Variants in NETO1 observed in about 807,000 individuals in gnomAD.
NETO1 encodes neuropilin and tolloid-like protein 1.
Under a neutral mutation model 61.3 loss-of-function variants are expected in NETO1, and 26 were observed. The observed-to-expected ratio is 0.42, with a 90% CI of 0.31 to 0.59. The LOEUF (loss-of-function observed/expected upper bound fraction) is 0.59. Ranked by LOEUF, NETO1 falls within the 20% of genes least tolerant of loss-of-function variation. NETO1 has a pLI of 0.12. For synonymous variants in NETO1, 225 were observed against 225.8 expected, an observed-to-expected ratio of 1.00 and a Z score of 0.03; for missense variants, 531 against 662.8, an observed-to-expected ratio of 0.80 and a Z score of 2.18.
At chr18:72,772,476 G>A (rs1321419460) in intron 7 of NETO1, among the ~76,000 whole-genome samples, 1 of 151,906 alleles carries the variant, frequency 6.6e-6, no homozygotes, top group Admixed American at 6.6e-5. Flanking sequence ...TCCGTGTATG[G>A]GTTCATGAAA....
At chr18:72,754,176 G>A (rs948501154) in intron 8 of NETO1, among the ~76,000 whole-genome samples, 1 of 151,920 alleles carries the variant, frequency 6.6e-6, no homozygotes, top group Non-Finnish European at 1.5e-5. Flanking sequence ...AAGCAACTAA[G>A]AAAGTAAAAC....
chr18:72,819,943 C>T (rs1372152378), intron 4 of NETO1, among the ~76,000 whole-genome samples: 1 of 152,034 alleles, frequency 6.6e-6, no homozygotes, highest in Non-Finnish European at 1.5e-5. Flanking sequence ...AAATAATTTG[C>T]AATTTGTTGC....
At chr18:72,839,257 T>C (rs1377486920) in intron 4 of NETO1, among the ~76,000 whole-genome samples, 1 of 151,902 alleles carries the variant, frequency 6.6e-6, no homozygotes, top group Non-Finnish European at 1.5e-5. Flanking sequence ...TTATAAAGAG[T>C]GGGTTTGGAT....
At chr18:72,768,686 C>T (rs12968355) in intron 7 of NETO1, among the ~76,000 whole-genome samples, 45,624 of 152,038 alleles carry the variant, frequency 0.3, 8,022 homozygotes, top group South Asian at 0.48. Context: ...CAGCAAATCA[C>T]AAAGGCACAC....
chr18:72,850,394 T>C (rs74335268), intron 4 of NETO1, among the ~76,000 whole-genome samples: 7,134 of 152,248 alleles, frequency 0.047, 563 homozygotes, highest in African/African-American at 0.16. Context: ...AATTATAAAA[T>C]ATAATAGGAA....
chr18:72,830,606 A>G lies in NETO1; in HGVS notation c.469+28220T>C, dbSNP rs2073544620. Among the ~76,000 whole-genome samples the G allele has an allele frequency of 6.6e-6, 1 of 152,174 alleles. No homozygotes were observed. The highest frequency in any genetic ancestry group is 2.4e-5 in the African/African-American group (1 of 41,448). On this transcript the variant is annotated intron_variant, in intron 4 of 10. Coordinates refer to ENST00000327305, the MANE Select transcript of NETO1 (RefSeq NM_138966.5). The surrounding 1 kb of genome is among the most constrained non-coding windows in gnomAD (Gnocchi z 4.9). ...TAGGAGCAGCTTTTGGTGTGGAGGT[A>G]GGATGTGGTGGGGAGGGGATGGATT... is the stretch of plus-strand genomic sequence containing the variant.
At chr18:72,769,966 T>C (rs1278386329) in intron 7 of NETO1, among the ~76,000 whole-genome samples, 1 of 152,126 alleles carries the variant, frequency 6.6e-6, no homozygotes, top group East Asian at 1.9e-4. Flanking sequence ...TTGTTCCCTA[T>C]TTTGGAATTT....
chr18:72,832,907 TC>T (rs1256089502), intron 4 of NETO1, among the ~76,000 whole-genome samples: 7 of 152,208 alleles, frequency 4.6e-5, no homozygotes, highest in Non-Finnish European at 7.3e-5. Flanking sequence ...AAAAATTGTC[TC>T]ATAATTTATA....
chr18:72,856,813 C>A (rs1009453778), intron 4 of NETO1, among the ~76,000 whole-genome samples: 2 of 152,192 alleles, frequency 1.3e-5, no homozygotes, highest in African/African-American at 4.8e-5. Flanking sequence ...TAACATAAAT[C>A]ATTAAGCTGA....
rs945248824 is a variant in NETO1 at position 72,744,004 on chromosome 18, G to A, written c.*4175C>T. 4 of 152,250 alleles carry A rather than the reference G, an allele frequency of 2.6e-5. No individual in the cohort carries two copies. The highest frequency in any genetic ancestry group is 9.6e-5 in the African/African-American group (4 of 41,558). The allele number at this position is 152,250 out of a possible 1,614,324, so 9.4% of individuals were successfully genotyped here. On this transcript the variant is annotated 3_prime_UTR_variant, in exon 11 of 11. Coordinates refer to ENST00000327305, the MANE Select transcript of NETO1 (RefSeq NM_138966.5). ...AGTAGTTTAACTACATGATCATACT[G>A]TTTCAGGAATAAGGAGATTCTGGAA... is the stretch of plus-strand genomic sequence containing the variant.
Position 72,830,230 on chromosome 18 carries a change from G to A in NETO1, c.469+28596C>T, listed in dbSNP as rs1281789863. Among the ~76,000 whole-genome samples the A allele has an allele frequency of 6.6e-6, 1 of 152,126 alleles. No homozygotes were observed. Among genetic ancestry groups the A allele is most frequent in the African/African-American group, 2.4e-5 (1 of 41,424 alleles). ...AAGGAAGCAGCCCTCCCAAGAGACG[G>A]GAACAGCAGTGCTATCTTGGTGCCG... On this transcript the variant is annotated intron_variant, in intron 4 of 10. Transcript: ENST00000327305. This position sits in a 1 kb window ranked among gnomAD's most constrained non-coding sequence, Gnocchi z 4.9.
At chr18:72,845,857 C>T (rs753467651) in intron 4 of NETO1, among the ~76,000 whole-genome samples, 15 of 152,062 alleles carry the variant, frequency 9.9e-5, no homozygotes, top group South Asian at 2.1e-4. Context: ...GCCCTTATGG[C>T]GTATTACTTT....
chr18:72,781,970 C>T (rs8095360), intron 7 of NETO1, among the ~76,000 whole-genome samples: 50,742 of 151,898 alleles, frequency 0.33, 8,740 homozygotes, highest in Admixed American at 0.46. Flanking sequence ...TAGTACCCAA[C>T]AGGGGTACTA....
intron 4 of NETO1, 97 bp from the exon 5 acceptor site, chr18:72,794,501 T>TA (rs1198766170): frequency 1.4e-5 from 16 of 1,171,126 alleles, no homozygotes; most frequent in Non-Finnish European, 1.8e-5. Context: ...AAATCTACCT[T>TA]AAAAAACACA....
chr18:72,787,336 G>A (rs2071955996), intron 6 of NETO1, among the ~76,000 whole-genome samples: 1 of 151,628 alleles, frequency 6.6e-6, no homozygotes, highest in Non-Finnish European at 1.5e-5. Flanking sequence ...CCTTTGAAGT[G>A]TAATACAAAA....
intron 7 of NETO1, among the ~76,000 whole-genome samples, chr18:72,774,518 AATAAT>A (rs1200435862): frequency 6.6e-6 from 1 of 152,196 alleles, no homozygotes; most frequent in Non-Finnish European, 1.5e-5. Context: ...ATAAAGCTAT[AATAAT>A]ATAAGAAATC....
In NETO1 at chr18:72,860,415, G is replaced by A. The variant is rs113989554; in HGVS notation, c.221-1341C>T. 1.8e-4 allele frequency among the ~76,000 whole-genome samples: 28 copies of A among 152,278 alleles called. 1 individual carries two copies. Among genetic ancestry groups the A allele is most frequent in the African/African-American group, 6.7e-4 (28 of 41,550 alleles). Reference sequence around the variant, plus strand: ...ACCTAAAATGTAAACTCTGGTATGCGTGGTTTTCAAAAATGTATGTAAGAT... The same window carrying A: ...ACCTAAAATGTAAACTCTGGTATGCATGGTTTTCAAAAATGTATGTAAGAT... On this transcript the variant is annotated intron_variant, in intron 3 of 10. Coordinates refer to ENST00000327305, the MANE Select transcript of NETO1 (RefSeq NM_138966.5).
intron 7 of NETO1, among the ~76,000 whole-genome samples, chr18:72,772,793 T>TCTCTCTCTC (rs1391807702): frequency 0.01 from 600 of 58,772 alleles, 91 homozygotes; most frequent in East Asian, 0.021. Context: ...CTCTATATAG[T>TCTCTCTCTC]TCTCTCTCTC....
intron 7 of NETO1, among the ~76,000 whole-genome samples, chr18:72,779,998 G>A (rs2071683507): frequency 6.6e-6 from 1 of 152,136 alleles, no homozygotes; most frequent in Non-Finnish European, 1.5e-5. Context: ...TTTATCATTA[G>A]AGGACCAACA....
Sources: gnomAD v4.1 joint callset for allele counts (sites outside exome capture counted in the v4.1 genomes callset) on GRCh38, gnomAD v4.1.1 for gene constraint, Gnocchi (gnomAD v3.1) non-coding constraint, MANE v1.5 for transcripts, NCBI Gene and HGNC (gene_info 2026-07-23, HGNC 2026-07-21) for gene names.